Variants in CTDSPL observed in about 807,000 individuals in gnomAD.
The protein encoded by CTDSPL is CTD small phosphatase-like protein.
CTDSPL carries 8 observed loss-of-function variants against 30.5 expected under a neutral mutation model. The observed-to-expected ratio is 0.26, with a 90% CI of 0.15 to 0.47. The LOEUF (loss-of-function observed/expected upper bound fraction) is 0.47, where lower values mean the gene tolerates loss of function less well. Ranked by LOEUF, CTDSPL falls within the 20% of genes least tolerant of loss-of-function variation. The probability of loss-of-function intolerance (pLI) is 0.99; values close to 1 mark genes in which losing one functional copy is unlikely to be tolerated. For missense variants in CTDSPL, 248 were observed against 366.1 expected (o/e 0.68, Z 2.63); for synonymous variants, 110 against 137.9 (o/e 0.80, Z 1.42).
chr3:37,941,755 C>T (rs767553599), intron 1 of CTDSPL, among the ~76,000 whole-genome samples: 6 of 150,094 alleles, frequency 4.0e-5, no homozygotes, highest in Non-Finnish European at 9.0e-5. Context: ...AGGCCTGCCC[C>T]GGGCTGAGCC....
chr3:37,928,651 C>T (rs921994599), intron 1 of CTDSPL, among the ~76,000 whole-genome samples: 2 of 152,096 alleles, frequency 1.3e-5, no homozygotes, highest in Admixed American at 1.3e-4. Flanking sequence ...TGTCGTTCTG[C>T]ATTGTAAGGG....
At chr3:37,883,813 A>G (rs146636651) in intron 1 of CTDSPL, among the ~76,000 whole-genome samples, 8 of 152,268 alleles carry the variant, frequency 5.3e-5, no homozygotes, top group African/African-American at 1.9e-4. Context: ...ATTTGTTTTG[A>G]CAAGTTTCTT....
intron 1 of CTDSPL, among the ~76,000 whole-genome samples, chr3:37,932,235 A>G (rs1349415421): frequency 2.0e-5 from 3 of 152,220 alleles, no homozygotes; most frequent in Admixed American, 6.5e-5. Flanking sequence ...CAAACAGTTA[A>G]ATGTTTACTT....
chr3:37,965,867 A>G lies in CTDSPL; in HGVS notation c.369+1195A>G, dbSNP rs191071338. Among the ~76,000 whole-genome samples, 283 of 152,328 alleles carry G rather than the reference A, an allele frequency of 1.9e-3. 9 individuals carry two copies. The South Asian group carries it at 0.05, about 27-fold the overall frequency. ...CCTTGTTCTGGCTACTGGGGCATGC[A>G]GGGACCACCTCATTCCCTAGCACTT... On this transcript the variant is annotated intron_variant, in intron 4 of 7. Transcript: ENST00000273179.
chr3:37,959,390 C>G (rs545406184), intron 3 of CTDSPL, among the ~76,000 whole-genome samples: 57 of 152,330 alleles, frequency 3.7e-4, no homozygotes, highest in African/African-American at 1.3e-3. Flanking sequence ...AAGATTAAAG[C>G]AAAGAGAAAA....
intron 7 of CTDSPL, 129 bp from the exon 8 acceptor site, chr3:37,980,613 A>G: frequency 8.1e-7 from 1 of 1,233,530 alleles, no homozygotes; most frequent in South Asian, 1.6e-5. Context: ...CAAAATCATG[A>G]TGATAACGAT....
chr3:37,953,752 A>G (rs1312921222), intron 2 of CTDSPL, among the ~76,000 whole-genome samples: 5 of 152,222 alleles, frequency 3.3e-5, no homozygotes. Flanking sequence ...AAAATCAACA[A>G]TGCTGCCAAA....
At chr3:37,964,397 A>G (rs568255452) in intron 3 of CTDSPL, among the ~76,000 whole-genome samples, 174 bp from the exon 4 acceptor site, 8 of 152,342 alleles carry the variant, frequency 5.3e-5, no homozygotes, top group Admixed American at 1.3e-4. Context: ...AGTCATTCAG[A>G]TCGTGGCACC....
intron 1 of CTDSPL, among the ~76,000 whole-genome samples, chr3:37,918,308 A>G (rs1352430373): frequency 6.6e-6 from 1 of 151,990 alleles, no homozygotes; most frequent in Non-Finnish European, 1.5e-5. Context: ...TAATTTGTGC[A>G]TCTCCTTCTG....
intron 1 of CTDSPL, among the ~76,000 whole-genome samples, chr3:37,920,120 T>C (rs993857898): frequency 6.6e-6 from 1 of 152,128 alleles, no homozygotes; most frequent in African/African-American, 2.4e-5. Context: ...GTCAAGATAT[T>C]GTCAGGACTG....
rs1321461982 is a variant in CTDSPL at position 37,966,893 on chromosome 3, G to T, written c.370-933G>T. ...TCTGTCTCTCTTCTCTTGTCCAGGG[G>T]TTTGCAGGCTGATGATTCAGTTGGG... is the stretch of plus-strand genomic sequence containing the variant. On this transcript the variant is annotated intron_variant, in intron 4 of 7. Coordinates refer to ENST00000273179, the MANE Select transcript of CTDSPL (RefSeq NM_001008392.2). 2.0e-5 allele frequency among the ~76,000 whole-genome samples: 3 copies of T among 152,088 alleles called. No homozygotes were observed. The East Asian group carries it at 5.8e-4, about 29-fold the overall frequency.
chr3:37,956,233 C>T (rs560445836), intron 2 of CTDSPL, among the ~76,000 whole-genome samples: 15 of 152,300 alleles, frequency 9.8e-5, no homozygotes, highest in Admixed American at 5.2e-4. Flanking sequence ...GCTGCCATTG[C>T]GAGCCATCAG....
rs558964275 is a variant in CTDSPL at position 37,940,885 on chromosome 3, G to A, written c.80-6172G>A. Among the ~76,000 whole-genome samples, 66 of 150,496 alleles carry A rather than the reference G, an allele frequency of 4.4e-4. 2 individuals are homozygous for A. The highest frequency in any genetic ancestry group is 1.5e-3 in the African/African-American group (64 of 41,430). ...TGAAGATACGGGTTCTTGCTGCTGG[G>A]CCAGCACTCTGCCTAGAAGACCAGG... is the stretch of plus-strand genomic sequence containing the variant. On this transcript the variant is annotated intron_variant, in intron 1 of 7. Transcript: ENST00000273179.
chr3:37,952,075 G>A (rs1352009265), intron 2 of CTDSPL, among the ~76,000 whole-genome samples: 1 of 151,948 alleles, frequency 6.6e-6, no homozygotes, highest in African/African-American at 2.4e-5. Flanking sequence ...ACTTTGACAG[G>A]CTGAGGCAGG....
chr3:37,948,026 GT>G (rs1161713195), intron 2 of CTDSPL, among the ~76,000 whole-genome samples: 2 of 152,234 alleles, frequency 1.3e-5, no homozygotes, highest in East Asian at 3.8e-4. Context: ...GCTCACGCCT[GT>G]AATCCCAGCA....
At chr3:37,874,462 G>A (rs1698110914) in intron 1 of CTDSPL, among the ~76,000 whole-genome samples, 1 of 152,152 alleles carries the variant, frequency 6.6e-6, no homozygotes, top group South Asian at 2.1e-4. Context: ...CGGGCGCGGT[G>A]GCTCAATGCC....
At chr3:37,978,087 G>A (rs532235895) in intron 7 of CTDSPL, among the ~76,000 whole-genome samples, 5 of 152,244 alleles carry the variant, frequency 3.3e-5, no homozygotes, top group East Asian at 1.9e-4. Flanking sequence ...AATTTTAGCA[G>A]TTGTTGGTGA....
Position 37,982,671 on chromosome 3 carries a change from C to T in CTDSPL, c.*1804C>T, listed in dbSNP as rs769673698. On this transcript the variant is annotated 3_prime_UTR_variant, in exon 8 of 8. Transcript: ENST00000273179. ...AAGTATTCAGGGGGTAAACAGGTCT[C>T]CCAGCATTCTGAGTGTTCCAAACCA... The T allele has an allele frequency of 6.6e-6, 3 of 456,526 alleles. No individual in the cohort carries two copies. Among genetic ancestry groups the T allele is most frequent in the South Asian group, 3.1e-5 (2 of 64,570 alleles). The allele number at this position is 456,526 out of a possible 1,614,324, so 28.3% of individuals were successfully genotyped here. A position where few individuals can be genotyped will look rare whatever the true frequency, so the allele number is the denominator to read the frequency against.
At position 37,867,129 on chromosome 3, in the gene CTDSPL, A is replaced by G. The variant is rs115642908; in HGVS notation, c.79+4851A>G. On this transcript the variant is annotated intron_variant, in intron 1 of 7. Coordinates refer to ENST00000273179, the MANE Select transcript of CTDSPL (RefSeq NM_001008392.2). ...TTCCCTCCCATGCCCACCCTGCTCCATATCCCACTGGTGACCACTAATCCA... is the reference window on the plus strand; with the variant it reads ...TTCCCTCCCATGCCCACCCTGCTCCGTATCCCACTGGTGACCACTAATCCA... Among the ~76,000 whole-genome samples, 470 of 152,064 alleles carry G rather than the reference A, an allele frequency of 3.1e-3. 4 individuals carry two copies. The highest frequency in any genetic ancestry group is 0.011 in the African/African-American group (449 of 41,514).
Sources: gnomAD v4.1 joint callset for allele counts (sites outside exome capture counted in the v4.1 genomes callset) on GRCh38, gnomAD v4.1.1 for gene constraint, MANE v1.5 for transcripts, NCBI Gene and HGNC (gene_info 2026-07-23, HGNC 2026-07-21) for gene names.